PHF21A: variants seen among roughly 807,000 people sequenced by gnomAD.
The protein encoded by PHF21A is PHD finger protein 21A.
Under a neutral mutation model 82.5 loss-of-function variants are expected in PHF21A, and 11 were observed. The observed-to-expected ratio is 0.13, with a 90% CI of 0.08 to 0.22. PHF21A has a LOEUF of 0.22. Among genes scored for constraint, PHF21A ranks in the 10% least tolerant of loss-of-function variants. The pLI, the probability that PHF21A is intolerant of heterozygous loss-of-function variation, is 1.00. For missense variants in PHF21A, 579 were observed against 837.8 expected (o/e 0.69, Z 3.81); for synonymous variants, 297 against 302.8 (o/e 0.98, Z 0.20).
chr11:46,102,164 G>T (rs1593252795), intron 1 of PHF21A, among the ~76,000 whole-genome samples: 1 of 151,582 alleles, frequency 6.6e-6, no homozygotes, highest in Admixed American at 6.6e-5. Flanking sequence ...CCCTGTGCTG[G>T]TATCAAACTC....
chr11:46,018,245 G>A (rs1434212421), intron 6 of PHF21A, among the ~76,000 whole-genome samples: 65 of 130,418 alleles, frequency 5.0e-4, no homozygotes, highest in African/African-American at 1.9e-3. Context: ...GCGAGACTCC[G>A]TCTCAAAAAA....
At position 46,114,115 on chromosome 11, in the gene PHF21A, C is replaced by CCA. The variant is rs1430911318; in HGVS notation, c.-237+6818_-237+6819dup. Among the ~76,000 whole-genome samples, 6 of 151,660 alleles carry CCA rather than the reference C, an allele frequency of 4.0e-5. No individual in the cohort carries two copies. In the East Asian group the frequency reaches 7.7e-4, roughly 20 times the overall value. On this transcript the variant is annotated intron_variant, in intron 1 of 18. Coordinates refer to ENST00000676320, the MANE Select transcript of PHF21A (RefSeq NM_001352027.3). ...CACACACACACACACGCACACATCC[C>CCA]CACACACACACGCTTCTACAAAGAA...
At chr11:45,967,292 T>A (rs2093496589) in intron 9 of PHF21A, among the ~76,000 whole-genome samples, 1 of 151,606 alleles carries the variant, frequency 6.6e-6, no homozygotes, top group Non-Finnish European at 1.5e-5. Flanking sequence ...TGCTTGAACC[T>A]GGGACGTGGA....
chr11:46,037,485 T>TA (rs1282890788), intron 6 of PHF21A, among the ~76,000 whole-genome samples: 1 of 151,840 alleles, frequency 6.6e-6, no homozygotes, highest in Non-Finnish European at 1.5e-5. Context: ...CTACTAAAAA[T>TA]AAAAAATTAG....
chr11:45,973,237 T>C (rs546743760), intron 7 of PHF21A, among the ~76,000 whole-genome samples: 6 of 152,342 alleles, frequency 3.9e-5, no homozygotes, highest in Non-Finnish European at 5.9e-5. Flanking sequence ...ACAGTGGAGA[T>C]AGACGGTATT....
intron 10 of PHF21A, among the ~76,000 whole-genome samples, chr11:45,962,279 TAGAG>T (rs1265846923): frequency 2.1e-5 from 3 of 141,124 alleles, no homozygotes; most frequent in Non-Finnish European, 3.1e-5. Flanking sequence ...AGCCTGGTCA[TAGAG>T]AGAACGTTGG....
At chr11:45,980,607 G>A (rs2136301715) in intron 6 of PHF21A, among the ~76,000 whole-genome samples, 1 of 152,096 alleles carries the variant, frequency 6.6e-6, no homozygotes, top group East Asian at 1.9e-4. Context: ...TGAACTCCTG[G>A]CATCAAGCAA....
chr11:45,972,499 C>T (rs2093816289), intron 7 of PHF21A, among the ~76,000 whole-genome samples: 1 of 152,170 alleles, frequency 6.6e-6, no homozygotes, highest in Admixed American at 6.5e-5. Context: ...ATTAATTGGC[C>T]AGGCGCAGTG....
At chr11:45,960,023 A>G (rs1031766476) in intron 10 of PHF21A, among the ~76,000 whole-genome samples, 1 of 152,208 alleles carries the variant, frequency 6.6e-6, no homozygotes, top group South Asian at 2.1e-4. Context: ...AACAAAAAGG[A>G]AAGTAATAGG....
At chr11:45,955,255 C>T (rs984584553) in intron 10 of PHF21A, among the ~76,000 whole-genome samples, 3 of 150,074 alleles carry the variant, frequency 2.0e-5, no homozygotes, top group Non-Finnish European at 1.5e-5. Flanking sequence ...ATGATCTAAG[C>T]GAGAATCACT....
intron 6 of PHF21A, among the ~76,000 whole-genome samples, chr11:46,018,913 G>A (rs2095572967): frequency 6.6e-6 from 1 of 152,096 alleles, no homozygotes; most frequent in Non-Finnish European, 1.5e-5. Context: ...GCAATCCAAT[G>A]CAAGACTTTT....
chr11:46,051,743 T>TA (rs950367989), intron 6 of PHF21A, among the ~76,000 whole-genome samples: 1 of 152,024 alleles, frequency 6.6e-6, no homozygotes, highest in African/African-American at 2.4e-5. Context: ...CGAAGGAAGA[T>TA]ATTAGAGGAA....
At chr11:46,091,333 A>C (rs1262468008) in intron 2 of PHF21A, among the ~76,000 whole-genome samples, 2 of 152,120 alleles carry the variant, frequency 1.3e-5, no homozygotes, top group African/African-American at 4.8e-5. Context: ...CACTCTCCTA[A>C]TAAAGTTAAT....
chr11:46,099,537 C>T (rs940168548), intron 1 of PHF21A, among the ~76,000 whole-genome samples: 3 of 150,056 alleles, frequency 2.0e-5, no homozygotes, highest in African/African-American at 7.5e-5. Context: ...CACACACACA[C>T]ACACACACAC....
chr11:46,091,648 C>A (rs1272215296), intron 2 of PHF21A, among the ~76,000 whole-genome samples: 2 of 152,156 alleles, frequency 1.3e-5, no homozygotes, highest in Admixed American at 6.5e-5. Context: ...TAACCTAAGC[C>A]ACTCTGCACA....
rs2088791640 is a variant in PHF21A, at chr11:45,935,697, T to C, written c.1727A>G (p.Asp576Gly). 1 of 1,454,914 alleles carries C rather than the reference T, an allele frequency of 6.9e-7. No homozygotes were observed. Among genetic ancestry groups the C allele is most frequent in the Non-Finnish European group, 9.5e-7 (1 of 1,049,026 alleles). The allele number at this position is 1,454,914 out of a possible 1,614,324, so 90.1% of individuals were successfully genotyped here. Reference protein sequence around the residue: ...EKQKLLKWSSDLKQEREQLEQ... With the variant: ...EKQKLLKWSSGLKQEREQLEQ... Reference sequence around the variant, plus strand: ...TAGTTGTTCTCGTTCTTGTTTTAAATCTGAACTCCATTTAAGTAACTTCTG... The same window carrying C: ...TAGTTGTTCTCGTTCTTGTTTTAAACCTGAACTCCATTTAAGTAACTTCTG... The change falls in exon 18 of 19, where the codon GAT (aspartate) becomes GGT (glycine). Residue 576 changes from aspartate to glycine, a missense_variant. Physicochemically the swap from Asp to Gly is moderately conservative, Grantham distance 94 (BLOSUM62 -1). Around this residue, in one of 3 missense-constraint regions of PHF21A, gnomAD observed 157 missense variants for 149.4 expected, o/e 1.05. Transcript: ENST00000676320.
intron 6 of PHF21A, among the ~76,000 whole-genome samples, chr11:46,023,398 G>A (rs1312329628): frequency 2.0e-5 from 3 of 152,062 alleles, no homozygotes; most frequent in Non-Finnish European, 4.4e-5. Context: ...GTAACATTTC[G>A]GAACCAGACT....
At chr11:46,047,846 T>C (rs1240461895) in intron 6 of PHF21A, among the ~76,000 whole-genome samples, 1 of 152,216 alleles carries the variant, frequency 6.6e-6, no homozygotes, top group Non-Finnish European at 1.5e-5. Context: ...TGGCACACTA[T>C]GCAAATAAGT....
chr11:45,944,608 G>C (rs553546923), intron 15 of PHF21A, among the ~76,000 whole-genome samples: 1 of 152,216 alleles, frequency 6.6e-6, no homozygotes, highest in Non-Finnish European at 1.5e-5. Flanking sequence ...TGGCCCTCTT[G>C]CTTTTCTTTC....
Sources: allele counts gnomAD v4.1 joint callset (sites outside exome capture counted in the v4.1 genomes callset), GRCh38; gene constraint gnomAD v4.1.1; regional missense constraint gnomAD v4.1.1; transcripts MANE v1.5; gene names NCBI Gene and HGNC (gene_info 2026-07-23, HGNC 2026-07-21).